The following CD109 variants were observed in gnomAD, a reference collection of about 807,000 sequenced individuals.
CD109 encodes CD109 antigen.
CD109 carries 149 observed loss-of-function variants against 165.8 expected under a neutral mutation model. The ratio of observed to expected loss-of-function variants is 0.90; its 90% CI spans 0.79 to 1.03. The LOEUF (loss-of-function observed/expected upper bound fraction) is 1.03, where lower values mean the gene tolerates loss of function less well. CD109 is among the 50% of genes least tolerant of loss of function. CD109 has a pLI of 0.00. For synonymous variants in CD109, 585 were observed against 592.1 expected (o/e 0.99, Z 0.18); for missense variants, 1,712 against 1,677.8 (o/e 1.02, Z -0.36).
intron 3 of CD109, 27 bp from the exon 4 acceptor site, chr6:73,730,317 T>G (rs768201689): frequency 1.2e-5 from 16 of 1,366,152 alleles, no homozygotes; most frequent in Non-Finnish European, 1.7e-5. Flanking sequence ...AATGAGACCT[T>G]GATGTGTGAT....
chr6:73,699,163 A>G (rs1375956776), intron 2 of CD109, among the ~76,000 whole-genome samples: 1 of 152,198 alleles, frequency 6.6e-6, no homozygotes, highest in East Asian at 1.9e-4. Context: ...AAATCACAGG[A>G]CATAATACTT....
chr6:73,806,703 C>T, intron 24 of CD109, 141 bp from the exon 25 acceptor site: 5 of 605,350 alleles, frequency 8.3e-6, no homozygotes, highest in Non-Finnish European at 1.1e-5. Context: ...TGATTTTTTT[C>T]TTTCCTTGTT....
chr6:73,727,508 TAGTC>T (rs577802052), intron 3 of CD109, among the ~76,000 whole-genome samples: 307 of 152,316 alleles, frequency 2.0e-3, no homozygotes, highest in African/African-American at 7.1e-3. Context: ...AACAGGAAGA[TAGTC>T]AGTAATGTTT....
chr6:73,792,926 T>C, intron 23 of CD109, 124 bp downstream of exon 23: 1 of 668,766 alleles, frequency 1.5e-6, no homozygotes, highest in East Asian at 2.8e-5. Context: ...GGCTACACGG[T>C]GTTGACATGT....
intron 2 of CD109, among the ~76,000 whole-genome samples, chr6:73,719,688 T>G (rs905793566): frequency 6.6e-6 from 1 of 152,196 alleles, no homozygotes; most frequent in Non-Finnish European, 1.5e-5. Context: ...GTATTCTCAA[T>G]TCCATCCCCC....
Position 73,812,189 on chromosome 6 carries a change from T to G in CD109, c.3703-16T>G. 1 of 1,594,272 alleles carries G rather than the reference T, an allele frequency of 6.3e-7. No homozygotes were observed. The stretch of plus-strand genomic sequence containing the variant: ...TGGAAAATTAGCCTCATTCACTTTT[T>G]TTCACCTTGATTCAGCTTGCTGTGG... On this transcript the variant is annotated splice_polypyrimidine_tract_variant and intron_variant, in intron 28 of 32. Transcript: ENST00000287097.
At chr6:73,710,920 A>AC (rs1383969605) in intron 2 of CD109, among the ~76,000 whole-genome samples, 2 of 152,240 alleles carry the variant, frequency 1.3e-5, no homozygotes, top group African/African-American at 4.8e-5. Context: ...ATGGTTGTGT[A>AC]CCAGCAGAAC....
At chr6:73,818,069 T>C (rs1046578233) in intron 30 of CD109, among the ~76,000 whole-genome samples, 1 of 152,088 alleles carries the variant, frequency 6.6e-6, no homozygotes, top group African/African-American at 2.4e-5. Context: ...CACTAGAAAA[T>C]AGAGTTGTCT....
At position 73,766,930 on chromosome 6, in the gene CD109, A is replaced by G. The variant is rs1311997578; in HGVS notation, c.1435-18A>G. 1.9e-6 allele frequency: 3 copies of G among 1,612,824 alleles called. No homozygotes were observed. Among genetic ancestry groups the G allele is most frequent in the African/African-American group, 2.7e-5 (2 of 74,874 alleles). On this transcript the variant is annotated intron_variant, in intron 12 of 32. Transcript: ENST00000287097. ...TCTTGCTTTTGATATGTACATATTA[A>G]TTAAGGTTTTTTTCTAGGTGGGATC...
chr6:73,776,330 G>T (rs540849882), intron 15 of CD109, among the ~76,000 whole-genome samples: 1 of 152,100 alleles, frequency 6.6e-6, no homozygotes, highest in African/African-American at 2.4e-5. Context: ...TCGGCTCACT[G>T]CAACCTCTGC....
intron 2 of CD109, among the ~76,000 whole-genome samples, chr6:73,698,165 A>G (rs1258971047): frequency 2.6e-5 from 4 of 152,244 alleles, no homozygotes; most frequent in Admixed American, 6.5e-5. Flanking sequence ...CATTTGTAGC[A>G]GAACCAAGTT....
intron 15 of CD109, among the ~76,000 whole-genome samples, chr6:73,773,368 C>T (rs1037075499): frequency 6.6e-6 from 1 of 151,746 alleles, no homozygotes; most frequent in Non-Finnish European, 1.5e-5. Flanking sequence ...TTTTAAATAG[C>T]ATATTATTAT....
In CD109 at chr6:73,818,482, A is replaced by G; in HGVS notation, c.4006A>G (p.Thr1336Ala). The G allele has an allele frequency of 6.2e-7, 1 of 1,613,536 alleles. No homozygotes were observed. Among genetic ancestry groups the G allele is most frequent in the South Asian group, 1.1e-5 (1 of 90,898 alleles). ...TTCAGAAGCAATTTCTCTGAGCGAG[A>G]CAGTGAAGAAAGTGGAATATGATCA... ...VPSEAISLSE[T>A]VKKVEYDHGK... is the part of the protein sequence containing the mutation. The change falls in exon 31 of 33, where the codon ACA (threonine) becomes GCA (alanine). Residue 1336 changes from threonine (T) to alanine (A), a missense_variant. Physicochemically the swap from Thr to Ala is moderately conservative, Grantham distance 58 (BLOSUM62 0). Transcript: ENST00000287097.
intron 6 of CD109, among the ~76,000 whole-genome samples, chr6:73,757,380 C>A (rs1174350649): frequency 6.6e-6 from 1 of 151,958 alleles, no homozygotes; most frequent in African/African-American, 2.4e-5. Context: ...TGAGAGCAGC[C>A]AAAGATAATA....
chr6:73,781,489 A>G (rs1451691796), intron 17 of CD109, among the ~76,000 whole-genome samples, 170 bp downstream of exon 17: 1 of 152,114 alleles, frequency 6.6e-6, no homozygotes, highest in Non-Finnish European at 1.5e-5. Context: ...CATCTGGGCC[A>G]TGACATGGAA....
At chr6:73,696,058 A>C, upstream of CD109, 1 of 666,302 alleles carries the variant, frequency 1.5e-6, no homozygotes, top group Non-Finnish European at 2.6e-6. Context: ...GTCCTGTCTC[A>C]ATTTAGATCT....
intron 5 of CD109, among the ~76,000 whole-genome samples, chr6:73,741,593 G>T (rs75800127): frequency 6.6e-6 from 1 of 152,286 alleles, no homozygotes; most frequent in Non-Finnish European, 1.5e-5. Context: ...TAGTTCTCTA[G>T]GTACCTTATC....
Position 73,781,836 on chromosome 6 carries a change from C to CACACACACACACACACACA in CD109, c.1963+517_1963+518insACACACACACACACACACA, listed in dbSNP as rs386359122. On this transcript the variant is annotated intron_variant, in intron 17 of 32. Coordinates refer to ENST00000287097, the MANE Select transcript of CD109 (RefSeq NM_133493.5). ...ACGCAGACACACACACACACACACA[C>CACACACACACACACACACA]CCCTCATCAATCTGAGTTCTTCCTG... Among the ~76,000 whole-genome samples, 241 of 62,112 alleles carry CACACACACACACACACACA rather than the reference C, an allele frequency of 3.9e-3. 2 individuals are homozygous for CACACACACACACACACACA. The highest frequency in any genetic ancestry group is 0.02 in the Middle Eastern group (2 of 102). The allele number at this position is 62,112 out of a possible 152,430, so 40.7% of individuals were successfully genotyped here.
chr6:73,701,404 T>C (rs1266619495), intron 2 of CD109, among the ~76,000 whole-genome samples: 1 of 152,202 alleles, frequency 6.6e-6, no homozygotes, highest in Non-Finnish European at 1.5e-5. Flanking sequence ...GGAAAGAAGA[T>C]GGCACAGCTA....
Sources: allele counts gnomAD v4.1 joint callset (sites outside exome capture counted in the v4.1 genomes callset), GRCh38; gene constraint gnomAD v4.1.1; transcripts MANE v1.5; gene names NCBI Gene and HGNC (gene_info 2026-07-23, HGNC 2026-07-21).